Variants in OMA1 observed in about 807,000 individuals in gnomAD.
OMA1 encodes the protein metalloendopeptidase OMA1, mitochondrial.
In OMA1, 38 loss-of-function variants were observed where a neutral mutation model predicts 30.9. That is an observed-to-expected ratio of 1.23 (90% CI 0.95 to 1.61). OMA1 has a LOEUF of 1.61. Ranked by LOEUF, OMA1 falls within the 40% of genes most tolerant of loss-of-function variation. OMA1 has a pLI of 0.00. For missense variants in OMA1, 461 were observed against 349.2 expected (o/e 1.32, Z -2.55); for synonymous variants, 173 against 121.9 (o/e 1.42, Z -2.76).
At chr1:58,538,569 G>A (rs543809132) in intron 2 of OMA1, among the ~76,000 whole-genome samples, 2 of 152,134 alleles carry the variant, frequency 1.3e-5, no homozygotes, top group African/African-American at 4.8e-5. Flanking sequence ...TAGTATGCAG[G>A]AAATTGTTTC....
intron 7 of OMA1, among the ~76,000 whole-genome samples, chr1:58,509,649 T>C (rs1419011376): frequency 8.4e-6 from 1 of 119,626 alleles, no homozygotes. Context: ...AGGGAAATAA[T>C]AAAGATTAGA....
At position 58,536,737 on chromosome 1, in the gene OMA1, T is replaced by C. The variant is rs1646522485; in HGVS notation, c.505A>G (p.Ile169Val). 2.3e-6 allele frequency: 2 copies of C among 871,946 alleles called. No individual in the cohort carries two copies. Among genetic ancestry groups the C allele is most frequent in the East Asian group, 2.4e-5 (1 of 41,666 alleles). 54.0% of individuals were successfully genotyped at this position (871,946 alleles called of 1,614,324 possible). ...KLFAIIVGRG[I>V]RKWWQALPPN... ...GGAAGTGCCTGCCACCATTTCCTTA[T>C]GCCCCTAAAGCAAAAAGAAAAATTC... is the stretch of plus-strand genomic sequence containing the variant. The change falls in exon 3 of 9, where the codon ATA (isoleucine) becomes GTA (valine). Residue 169 changes from isoleucine (I) to valine (V), a missense_variant. Ile to Val is a conservative substitution (Grantham distance 29). Coordinates refer to ENST00000371226, the MANE Select transcript of OMA1 (RefSeq NM_145243.5).
chr1:58,531,379 G>A (rs1646431535), intron 5 of OMA1, among the ~76,000 whole-genome samples: 1 of 152,026 alleles, frequency 6.6e-6, no homozygotes, highest in African/African-American at 2.4e-5. Flanking sequence ...AAAGAATCAG[G>A]TTCTATGAAT....
chr1:58,524,047 T>C (rs1192324492), intron 7 of OMA1, among the ~76,000 whole-genome samples: 2 of 152,224 alleles, frequency 1.3e-5, no homozygotes, highest in Non-Finnish European at 2.9e-5. Context: ...CAGCTGGTAT[T>C]ATCTTTTTCC....
chr1:58,539,720 G>C (rs992816303), intron 1 of OMA1, among the ~76,000 whole-genome samples: 1 of 152,108 alleles, frequency 6.6e-6, no homozygotes, highest in Non-Finnish European at 1.5e-5. Context: ...TGGACATTAC[G>C]CAATGAAGAA....
At chr1:58,526,719 G>A (rs940623977) in intron 7 of OMA1, among the ~76,000 whole-genome samples, 9 of 151,918 alleles carry the variant, frequency 5.9e-5, no homozygotes, top group Admixed American at 2.6e-4. Flanking sequence ...GCTACAACAG[G>A]ATCAACCTAT....
chr1:58,539,391 G>A (rs186263015), intron 1 of OMA1, 81 bp from the exon 2 acceptor site: 30 of 663,636 alleles, frequency 4.5e-5, no homozygotes, highest in East Asian at 1.9e-4. Context: ...TTAAATAGGC[G>A]TGTCAGTTGT....
chr1:58,487,351 T>G (rs970989929), intron 8 of OMA1, among the ~76,000 whole-genome samples: 1 of 152,256 alleles, frequency 6.6e-6, no homozygotes, highest in African/African-American at 2.4e-5. Flanking sequence ...TGAGGATAAT[T>G]AACTTGCTCA....
chr1:58,529,315 G>A (rs1247004046), intron 6 of OMA1, among the ~76,000 whole-genome samples: 2 of 152,088 alleles, frequency 1.3e-5, no homozygotes, highest in South Asian at 2.1e-4. Flanking sequence ...ATAACAGATT[G>A]TTCCTAAATA....
chr1:58,499,189 C>CA (rs150923176), intron 8 of OMA1, among the ~76,000 whole-genome samples: 4,066 of 151,624 alleles, frequency 0.027, 174 homozygotes, highest in African/African-American at 0.093. Context: ...AAGTCCAACT[C>CA]AGAGAAATTG....
intron 2 of OMA1, among the ~76,000 whole-genome samples, chr1:58,536,944 A>G (rs1646528013): frequency 6.6e-6 from 1 of 152,158 alleles, no homozygotes; most frequent in African/African-American, 2.4e-5. Context: ...CAGTTAAAAA[A>G]TTCTAATACT....
intron 8 of OMA1, among the ~76,000 whole-genome samples, chr1:58,485,674 T>A (rs1645564853): frequency 6.6e-6 from 1 of 152,162 alleles, no homozygotes; most frequent in Non-Finnish European, 1.5e-5. Flanking sequence ...TTTTATAAAT[T>A]CTAATCTATC....
At chr1:58,504,828 C>T (rs896468795) in intron 8 of OMA1, among the ~76,000 whole-genome samples, 4 of 152,152 alleles carry the variant, frequency 2.6e-5, no homozygotes, top group Admixed American at 2.6e-4. Flanking sequence ...TTTTATTTAT[C>T]TTAGCATCCT....
chr1:58,534,796 C>G (rs6682499), intron 3 of OMA1, among the ~76,000 whole-genome samples: 1 of 151,974 alleles, frequency 6.6e-6, no homozygotes, highest in South Asian at 2.1e-4. Flanking sequence ...ATTAGCCAGG[C>G]GTGGTGGCAT....
intron 1 of OMA1, 108 bp downstream of exon 1, chr1:58,546,595 C>G (rs1408182998): frequency 6.6e-6 from 1 of 152,420 alleles, no homozygotes; most frequent in African/African-American, 2.4e-5. Flanking sequence ...CGGGCGCCCC[C>G]GCAGGCGCTC....
At chr1:58,502,736 T>C (rs1015306663) in intron 8 of OMA1, among the ~76,000 whole-genome samples, 7 of 152,236 alleles carry the variant, frequency 4.6e-5, no homozygotes, top group African/African-American at 1.7e-4. Flanking sequence ...CTTTGAGTTA[T>C]GACTGTATAT....
At chr1:58,543,985 T>C (rs1452894827) in intron 1 of OMA1, among the ~76,000 whole-genome samples, 1 of 152,204 alleles carries the variant, frequency 6.6e-6, no homozygotes, top group East Asian at 1.9e-4. Context: ...GTGTCTACTG[T>C]ATCGCACAGT....
At chr1:58,483,610 A>T in intron 8 of OMA1, among the ~76,000 whole-genome samples, 1 of 152,238 alleles carries the variant, frequency 6.6e-6, no homozygotes, top group East Asian at 1.9e-4. Context: ...TAAATGTTTA[A>T]GTAAACTGAA....
intron 8 of OMA1, among the ~76,000 whole-genome samples, chr1:58,488,721 ATT>A (rs1645620465): frequency 6.6e-6 from 1 of 152,158 alleles, no homozygotes; most frequent in African/African-American, 2.4e-5. Context: ...AAGTGCTGGG[ATT>A]ACAGGCGTGA....
Sources: gnomAD v4.1 joint callset for allele counts (sites outside exome capture counted in the v4.1 genomes callset) on GRCh38, gnomAD v4.1.1 for gene constraint, MANE v1.5 for transcripts, NCBI Gene and HGNC (gene_info 2026-07-23, HGNC 2026-07-21) for gene names.